Variants in PDE6C observed in about 807,000 individuals in gnomAD.
The protein encoded by PDE6C is cone cGMP-specific 3',5'-cyclic phosphodiesterase subunit alpha'.
In PDE6C, 75 loss-of-function variants were observed where a neutral mutation model predicts 113.1. The ratio of observed to expected loss-of-function variants is 0.66; its 90% CI spans 0.55 to 0.80. The LOEUF (loss-of-function observed/expected upper bound fraction) is 0.80. Among genes scored for constraint, PDE6C ranks in the 30% least tolerant of loss-of-function variants. PDE6C has a pLI of 0.00. For missense variants in PDE6C, 912 were observed against 1,038.6 expected, an observed-to-expected ratio of 0.88 and a Z score of 1.67; for synonymous variants, 375 against 363.7, an observed-to-expected ratio of 1.03 and a Z score of -0.35.
Position 93,612,980 on chromosome 10 carries a change from G to A in PDE6C, c.255G>A (p.Gln85=), listed in dbSNP as rs748280050. 15 of 1,614,028 alleles carry A rather than the reference G, an allele frequency of 9.3e-6. No homozygotes were observed. The highest frequency in any genetic ancestry group is 1.3e-5 in the Non-Finnish European group (15 of 1,179,932). The change falls in exon 1 of 22, where the codon CAG becomes CAA. Residue 85 remains glutamine (Q), a synonymous_variant. Transcript: ENST00000371447. ...AGCAGGGGGTTCACAGGGCCCTGCA[G>A]AGGCTGGCCCACCTGCTCCAGGCTG... The part of the protein sequence containing the change: ...TPEQGVHRAL[Q]RLAHLLQADR...
intron 16 of PDE6C, among the ~76,000 whole-genome samples, chr10:93,657,480 A>C (rs1205374580): frequency 6.6e-6 from 1 of 151,766 alleles, no homozygotes; most frequent in Admixed American, 6.6e-5. Flanking sequence ...CACCTCGCCC[A>C]ACCTGTTGTG....
chr10:93,635,835 T>G (rs1376654122), intron 10 of PDE6C, among the ~76,000 whole-genome samples, 195 bp downstream of exon 10: 3 of 152,174 alleles, frequency 2.0e-5, no homozygotes, highest in Non-Finnish European at 4.4e-5. Flanking sequence ...TACAGCTGCT[T>G]GGCTGGAATA....
At chr10:93,657,022 C>T (rs1219638361) in intron 16 of PDE6C, among the ~76,000 whole-genome samples, 2 of 152,132 alleles carry the variant, frequency 1.3e-5, no homozygotes, top group Non-Finnish European at 2.9e-5. Flanking sequence ...ACTAGTGATG[C>T]AATTGAGGTA....
chr10:93,663,849 A>C (rs2058677885), intron 21 of PDE6C, among the ~76,000 whole-genome samples: 1 of 152,198 alleles, frequency 6.6e-6, no homozygotes, highest in African/African-American at 2.4e-5. Flanking sequence ...CATCATTTTG[A>C]AAGTGGAATG....
intron 4 of PDE6C, among the ~76,000 whole-genome samples, chr10:93,624,555 T>C (rs1165069016): frequency 1.3e-5 from 2 of 152,174 alleles, no homozygotes; most frequent in African/African-American, 4.8e-5. Context: ...TATTTCTTCA[T>C]ATTCATGTGA....
In PDE6C at chr10:93,635,525, T is replaced by A. The variant is rs1235925330; in HGVS notation, c.1298T>A (p.Leu433His). The change falls in exon 10 of 22, where the codon CTT becomes CAT. Residue 433 changes from leucine to histidine, a missense_variant. Coordinates refer to ENST00000371447, the MANE Select transcript of PDE6C (RefSeq NM_006204.4). ...ETLTQFLGWS[L>H]LNTDTYDKMN... is the part of the protein sequence containing the mutation. ...CTCACACAATTTCTTGGATGGTCTC[T>A]TTTAAATACTGACACCTACGATAAG... 6 of 1,611,494 alleles carry A rather than the reference T, an allele frequency of 3.7e-6. No homozygotes were observed. The Admixed American group carries it at 1.0e-4, about 27-fold the overall frequency.
chr10:93,634,574 A>G (rs12220088), intron 8 of PDE6C, among the ~76,000 whole-genome samples, 184 bp from the exon 9 acceptor site: 4,254 of 152,306 alleles, frequency 0.028, 97 homozygotes, highest in East Asian at 0.097. Context: ...TCGATATTGT[A>G]CTATAGTTAC....
Position 93,640,206 on chromosome 10 carries a change from T to A in PDE6C, c.1619T>A (p.Val540Glu). Residue 540 changes from valine to glutamate, a missense_variant, in exon 12 of 22, where the codon GTA (valine) becomes GAA (glutamate). Transcript: ENST00000371447. ...ATAAATGTGGTGGAGAAATTCAAAG[T>A]ACCTGTAGAGGTCAGAGGGTATTTA... ...FEINVVEKFK[V>E]PVEVLTRWMY... The A allele has an allele frequency of 6.2e-7, 1 of 1,612,856 alleles. No individual in the cohort carries two copies. Among genetic ancestry groups the A allele is most frequent in the Non-Finnish European group, 8.5e-7 (1 of 1,178,800 alleles).
chr10:93,631,724 GC>G (rs1243382474), intron 8 of PDE6C, among the ~76,000 whole-genome samples: 6 of 152,156 alleles, frequency 3.9e-5, no homozygotes, highest in Non-Finnish European at 8.8e-5. Context: ...CCCTGCTCAG[GC>G]CCCACCCTGA....
At chr10:93,647,314 T>A (rs1160680878) in intron 15 of PDE6C, among the ~76,000 whole-genome samples, 38 of 152,108 alleles carry the variant, frequency 2.5e-4, no homozygotes, top group Admixed American at 2.3e-3. Flanking sequence ...TCAATAATAA[T>A]CTTTTATTAA....
At chr10:93,622,330 A>G (rs2058450780) in intron 4 of PDE6C, among the ~76,000 whole-genome samples, 1 of 151,712 alleles carries the variant, frequency 6.6e-6, no homozygotes, top group East Asian at 1.9e-4. Context: ...TTAGAGTAGT[A>G]TTGACAGAAA....
In PDE6C at chr10:93,662,540, G is replaced by T. The variant is rs770861812; in HGVS notation, c.2284-20G>T. The T allele has an allele frequency of 5.3e-6, 6 of 1,138,106 alleles. No homozygotes were observed. The South Asian group carries it at 7.4e-5, about 14-fold the overall frequency. 70.5% of individuals were successfully genotyped at this position (1,138,106 alleles called of 1,614,324 possible). On this transcript the variant is annotated intron_variant, in intron 19 of 21. Coordinates refer to ENST00000371447, the MANE Select transcript of PDE6C (RefSeq NM_006204.4). The stretch of plus-strand genomic sequence containing the variant: ...ATACATCTTAGAAACCTGTCTTAAA[G>T]GATTTATTTCTCTTTCTAGCCTATG...
At chr10:93,634,982 C>A in intron 9 of PDE6C, 75 bp downstream of exon 9, 1 of 1,493,552 alleles carries the variant, frequency 6.7e-7, no homozygotes, top group Non-Finnish European at 9.3e-7. Flanking sequence ...ATTTGTTATT[C>A]TGGAATGATA....
rs755658134 is a variant in PDE6C at position 93,613,184 on chromosome 10, T to G, written c.459T>G (p.His153Gln). 3 of 1,613,716 alleles carry G rather than the reference T, an allele frequency of 1.9e-6. No homozygotes were observed. In the African/African-American group the frequency reaches 4.0e-5, roughly 22 times the overall value. The change falls in exon 1 of 22, where the codon CAT (histidine) becomes CAG (glutamine). Residue 153 changes from histidine (H) to glutamine (Q), a missense_variant. Transcript: ENST00000371447. ...GGGCTGCTCACACGAAGAAAACTCA[T>G]AATGTCCCAGATGTGAAAAAGGTAG... The part of the protein sequence containing the change: ...VGWAAHTKKT[H>Q]NVPDVKKNSH...
chr10:93,662,283 T>A lies in PDE6C; in HGVS notation c.2283+150T>A, dbSNP rs546256678. ...ATCGAGACCATCCTGACCAACATGG[T>A]GTAACCCCGTTTCTACTAAAAATAC... On this transcript the variant is annotated intron_variant, in intron 19 of 21. Coordinates refer to ENST00000371447, the MANE Select transcript of PDE6C (RefSeq NM_006204.4). The A allele has an allele frequency of 4.3e-6, 3 of 690,688 alleles. No individual in the cohort carries two copies. The South Asian group carries it at 4.6e-5, about 11-fold the overall frequency. The allele number at this position is 690,688 out of a possible 1,614,324, so 42.8% of individuals were successfully genotyped here.
At chr10:93,660,809 C>G (rs2058662633) in intron 18 of PDE6C, among the ~76,000 whole-genome samples, 1 of 152,058 alleles carries the variant, frequency 6.6e-6, no homozygotes, top group African/African-American at 2.4e-5. Flanking sequence ...ATCAGCCTCG[C>G]TAGTACCTCA....
intron 14 of PDE6C, among the ~76,000 whole-genome samples, chr10:93,641,369 G>C (rs1048344731): frequency 6.6e-6 from 1 of 152,110 alleles, no homozygotes; most frequent in Non-Finnish European, 1.5e-5. Flanking sequence ...ACAGTGGCTC[G>C]CACCTGAAAT....
At chr10:93,622,680 C>CTTTTTTTTTTT (rs2058454374) in intron 4 of PDE6C, among the ~76,000 whole-genome samples, 1 of 83,076 alleles carries the variant, frequency 1.2e-5, no homozygotes, top group Non-Finnish European at 2.4e-5. Flanking sequence ...TTTTTTTTTG[C>CTTTTTTTTTTT]TGTTTCTATA....
At chr10:93,660,239 C>T (rs189921765) in intron 18 of PDE6C, among the ~76,000 whole-genome samples, 67 of 152,180 alleles carry the variant, frequency 4.4e-4, no homozygotes, top group Non-Finnish European at 8.4e-4. Context: ...AAAGCGTACA[C>T]GTTTATTTGT....
Sources: allele counts gnomAD v4.1 joint callset (sites outside exome capture counted in the v4.1 genomes callset), GRCh38; gene constraint gnomAD v4.1.1; transcripts MANE v1.5; gene names NCBI Gene and HGNC (gene_info 2026-07-23, HGNC 2026-07-21).